The following DNAH3 variants were observed in gnomAD, a reference collection of about 807,000 sequenced individuals.
DNAH3 encodes the protein axonemal beta dynein heavy chain 3.
A neutral mutation model predicts 432.5 loss-of-function variants in DNAH3; 332 were observed. The observed-to-expected ratio is 0.77, with a 90% CI of 0.70 to 0.84. The LOEUF (loss-of-function observed/expected upper bound fraction) is 0.84. DNAH3 is among the 40% of genes least tolerant of loss of function. The pLI, the probability that DNAH3 is intolerant of heterozygous loss-of-function variation, is 0.00. For missense variants in DNAH3, 4,861 were observed against 5,114.0 expected (o/e 0.95, Z 1.51); for synonymous variants, 1,956 against 1,900.2 (o/e 1.03, Z -0.76).
At chr16:21,030,702 T>G (rs2088826832) in intron 37 of DNAH3, among the ~76,000 whole-genome samples, 1 of 152,216 alleles carries the variant, frequency 6.6e-6, no homozygotes, top group Admixed American at 6.5e-5. Flanking sequence ...CTCATTTTAT[T>G]ACTACCTTTC....
chr16:21,093,878 T>G (rs1189638555), intron 18 of DNAH3, among the ~76,000 whole-genome samples: 1 of 152,122 alleles, frequency 6.6e-6, no homozygotes, highest in Non-Finnish European at 1.5e-5. Context: ...ACAATGAACT[T>G]GAACTAAGCC....
intron 46 of DNAH3, 60 bp downstream of exon 46, chr16:20,987,633 A>G (rs1259315514): frequency 3.1e-6 from 5 of 1,594,180 alleles, no homozygotes; most frequent in South Asian, 1.1e-5. Context: ...CTATTACTAC[A>G]TGTTCTATGT....
chr16:21,045,321 G>A (rs1024544899), intron 31 of DNAH3, among the ~76,000 whole-genome samples: 4 of 150,940 alleles, frequency 2.7e-5, no homozygotes, highest in Non-Finnish European at 4.4e-5. Context: ...TTTTTGATTG[G>A]TAAGCTATTG....
intron 15 of DNAH3, 63 bp downstream of exon 15, chr16:21,106,427 A>G: frequency 8.0e-7 from 1 of 1,256,832 alleles, no homozygotes. Context: ...AATGTTATAT[A>G]TACAAATATA....
At chr16:20,979,953 T>C (rs750366397) in intron 49 of DNAH3, among the ~76,000 whole-genome samples, 2 of 151,328 alleles carry the variant, frequency 1.3e-5, no homozygotes, top group Non-Finnish European at 2.9e-5. Context: ...TTTCACCATG[T>C]TGGTCAGGCT....
At chr16:21,118,420 C>T (rs1353968355) in intron 11 of DNAH3, among the ~76,000 whole-genome samples, 1 of 151,714 alleles carries the variant, frequency 6.6e-6, no homozygotes, top group Middle Eastern at 3.2e-3. Flanking sequence ...AATTCATACT[C>T]TCTAACTTCT....
At chr16:21,027,202 A>G in intron 37 of DNAH3, 75 bp from the exon 38 acceptor site, 1 of 1,061,338 alleles carries the variant, frequency 9.4e-7, no homozygotes, top group Non-Finnish European at 1.5e-6. Context: ...GTCTCAGTGC[A>G]GACAAAGCTG....
At chr16:20,987,489 G>T in intron 46 of DNAH3, 41 bp from the exon 47 acceptor site, 1 of 1,610,766 alleles carries the variant, frequency 6.2e-7, no homozygotes, top group Non-Finnish European at 8.5e-7. Flanking sequence ...GTGGAAGATG[G>T]TCCCTGAGGT....
At chr16:20,979,741 A>C (rs1414335595) in intron 49 of DNAH3, among the ~76,000 whole-genome samples, 195 bp from the exon 50 acceptor site, 3 of 152,032 alleles carry the variant, frequency 2.0e-5, no homozygotes, top group Non-Finnish European at 2.9e-5. Context: ...GCATACTCTC[A>C]CACAAATGAT....
chr16:21,083,268 G>A (rs1057415176), intron 19 of DNAH3, among the ~76,000 whole-genome samples: 5 of 151,998 alleles, frequency 3.3e-5, no homozygotes, highest in East Asian at 1.9e-4. Flanking sequence ...TGTCTGCCTC[G>A]GCCTCCCAAA....
At chr16:20,962,494 G>T (rs2084871503) in intron 53 of DNAH3, among the ~76,000 whole-genome samples, 1 of 152,202 alleles carries the variant, frequency 6.6e-6, no homozygotes, top group South Asian at 2.1e-4. Flanking sequence ...GGGAGGGAGT[G>T]GGGGAATGGA....
At chr16:21,146,749 TTTC>T (rs1048883862) in intron 1 of DNAH3, among the ~76,000 whole-genome samples, 5 of 144,494 alleles carry the variant, frequency 3.5e-5, no homozygotes, top group Non-Finnish European at 7.5e-5. Flanking sequence ...TCCACTCCTG[TTTC>T]TTTTTTCTTT....
exon 40 of DNAH3, chr16:21,022,090 A>G (rs778465490): frequency 1.2e-6 from 2 of 1,613,994 alleles, no homozygotes; most frequent in South Asian, 2.2e-5. Context: ...CCACATGAAC[A>G]TGTCATTGAC....
rs555983378 is a variant in DNAH3, at chr16:20,966,014, ATTTTTTTTTTTTTTT to A, written c.8459-604_8459-590del. On this transcript the variant is annotated intron_variant, in intron 52 of 61. Transcript: ENST00000261383. ...AGGCCTGAGCCACCATGCCCAGCCA[ATTTTTTTTTTTTTTT>A]TTTTTTTTTTTTTTTTTTTTTTTTT... is the stretch of plus-strand genomic sequence containing the variant. Among the ~76,000 whole-genome samples, 153 of 48,388 alleles carry A rather than the reference ATTTTTTTTTTTTTTT, an allele frequency of 3.2e-3. 10 individuals carry two copies. Among genetic ancestry groups the A allele is most frequent in the African/African-American group, 8.4e-3 (102 of 12,152 alleles). The allele number at this position is 48,388 out of a possible 152,430, so 31.7% of individuals were successfully genotyped here.
intron 35 of DNAH3, 126 bp downstream of exon 35, chr16:21,036,588 A>T: frequency 1.1e-6 from 1 of 880,860 alleles, no homozygotes; most frequent in Non-Finnish European, 1.8e-6. Flanking sequence ...CTAATGTTTT[A>T]CTTGCATTTC....
chr16:21,144,462 A>T lies in DNAH3; in HGVS notation c.448+719T>A, dbSNP rs74012115. 1.3e-3 allele frequency among the ~76,000 whole-genome samples: 203 copies of T among 152,242 alleles called. 1 individual carries two copies. The highest frequency in any genetic ancestry group is 4.6e-3 in the African/African-American group (190 of 41,532). ...CAGCAAGGACCTGATGACATGAGTGAGCCTGGAAGAGGATCCTTCCCTAGT... is the reference window on the plus strand; with the variant it reads ...CAGCAAGGACCTGATGACATGAGTGTGCCTGGAAGAGGATCCTTCCCTAGT... On this transcript the variant is annotated intron_variant, in intron 3 of 61. Coordinates refer to ENST00000261383, the Ensembl canonical transcript of DNAH3.
intron 21 of DNAH3, among the ~76,000 whole-genome samples, chr16:21,074,753 G>T (rs2090915321): frequency 6.9e-6 from 1 of 145,164 alleles, no homozygotes; most frequent in Non-Finnish European, 1.5e-5. Flanking sequence ...TCTGCAGGAT[G>T]TGTGTATCAA....
At chr16:20,933,213 T>C (rs1243129804) in exon 62 of DNAH3, 2 of 1,614,242 alleles carry the variant, frequency 1.2e-6, no homozygotes, top group South Asian at 1.1e-5. Flanking sequence ...TTCTGGGGCA[T>C]GTCTGTTGGA....
At chr16:21,022,428 T>G (rs373939898) in intron 39 of DNAH3, among the ~76,000 whole-genome samples, 1 of 152,194 alleles carries the variant, frequency 6.6e-6, no homozygotes, top group Admixed American at 6.5e-5. Context: ...TATCTGTCTT[T>G]GTTTCTATAA....
Sources: gnomAD v4.1 joint callset for allele counts (sites outside exome capture counted in the v4.1 genomes callset) on GRCh38, gnomAD v4.1.1 for gene constraint, MANE v1.5 for transcripts, NCBI Gene and HGNC (gene_info 2026-07-23, HGNC 2026-07-21) for gene names.